Variants in GCNT2 observed in about 807,000 individuals in gnomAD.
The protein encoded by GCNT2 is N-acetyllactosaminide beta-1,6-N-acetylglucosaminyl-transferase.
Under a neutral mutation model 34.2 loss-of-function variants are expected in GCNT2, and 34 were observed. The observed-to-expected ratio is 1.00, with a 90% confidence interval of 0.76 to 1.32. The LOEUF is 1.32. GCNT2 is among the 40% of genes most tolerant of loss of function. GCNT2 has a pLI of 0.00. For missense variants in GCNT2, 584 were observed against 489.4 expected (o/e 1.19, Z -1.82); for synonymous variants, 212 against 188.0 (o/e 1.13, Z -1.04).
In GCNT2 at chr6:10,529,706, C is replaced by A; in HGVS notation, c.795C>A (p.Ala265=). The change falls in exon 3 of 5, where the codon GCC becomes GCA. Residue 265 remains alanine (A), a synonymous_variant. Coordinates refer to ENST00000495262, the MANE Select transcript of GCNT2 (RefSeq NM_145649.5). ...ACATGGTGATTTACTTTGGCACGGCCTACGTGGCTCTCACAAGGGACTTTG... is the reference window on the plus strand; with the variant it reads ...ACATGGTGATTTACTTTGGCACGGCATACGTGGCTCTCACAAGGGACTTTG... ...PHDMVIYFGT[A]YVALTRDFAN... The A allele has an allele frequency of 6.2e-7, 1 of 1,614,102 alleles. No homozygotes were observed. Among genetic ancestry groups the A allele is most frequent in the Non-Finnish European group, 8.5e-7 (1 of 1,179,986 alleles).
chr6:10,589,469 G>T (rs546331511), intron 3 of GCNT2, among the ~76,000 whole-genome samples: 2 of 151,868 alleles, frequency 1.3e-5, no homozygotes, highest in Non-Finnish European at 2.9e-5. Flanking sequence ...GGCTTGTCAG[G>T]GTCACTGTGC....
intron 3 of GCNT2, among the ~76,000 whole-genome samples, chr6:10,599,705 A>G (rs1294679753): frequency 6.6e-6 from 1 of 152,184 alleles, no homozygotes; most frequent in African/African-American, 2.4e-5. Context: ...TCAATTCTCC[A>G]CACTGGGTTT....
chr6:10,624,960 C>G (rs1262411248), intron 4 of GCNT2, among the ~76,000 whole-genome samples: 1 of 152,126 alleles, frequency 6.6e-6, no homozygotes, highest in African/African-American at 2.4e-5. Flanking sequence ...TTCTCCAGGC[C>G]GAAATATTCT....
At chr6:10,557,099 C>T (rs757116901) in intron 3 of GCNT2, 17 of 1,580,904 alleles carry the variant, frequency 1.1e-5, no homozygotes, top group South Asian at 8.4e-5. Flanking sequence ...TGCAATTGGA[C>T]GGACTAAATA....
At chr6:10,565,248 G>A (rs1763225054) in intron 3 of GCNT2, among the ~76,000 whole-genome samples, 1 of 152,226 alleles carries the variant, frequency 6.6e-6, no homozygotes, top group African/African-American at 2.4e-5. Flanking sequence ...GGAGGCCAGA[G>A]AAAAACAGAT....
intron 4 of GCNT2, among the ~76,000 whole-genome samples, chr6:10,623,333 C>G (rs141400516): frequency 0.019 from 2,869 of 151,544 alleles, 33 homozygotes; most frequent in South Asian, 0.046. Flanking sequence ...TCTTGTCACC[C>G]AGGCTGGAGT....
Position 10,561,811 on chromosome 6 carries a change from C to T in GCNT2, c.925+31975C>T, listed in dbSNP as rs370553323. Among the ~76,000 whole-genome samples the T allele has an allele frequency of 6.6e-5, 10 of 151,276 alleles. No homozygotes were observed. The South Asian group carries it at 1.7e-3, about 25-fold the overall frequency. On this transcript the variant is annotated intron_variant, in intron 3 of 4. Transcript: ENST00000495262. ...TCGTTTCCTTTTTCCATTTTGTATA[C>T]GTTTTCCTTTTTTTTTTTCAGGGCC...
chr6:10,556,349 C>CAT (rs1762700633), intron 3 of GCNT2: 2 of 1,604,512 alleles, frequency 1.2e-6, no homozygotes, highest in African/African-American at 2.7e-5. Flanking sequence ...AATAAGAACT[C>CAT]AGAGAAACGA....
chr6:10,586,732 A>G, intron 3 of GCNT2: 1 of 1,614,046 alleles, frequency 6.2e-7, no homozygotes, highest in South Asian at 1.1e-5. Context: ...AAAAATACTA[A>G]TATTTTGAAA....
intron 1 of GCNT2, among the ~76,000 whole-genome samples, chr6:10,524,161 G>A (rs1761074677): frequency 6.6e-6 from 1 of 151,660 alleles, no homozygotes; most frequent in Non-Finnish European, 1.5e-5. Context: ...AGAGGAAGCT[G>A]TGATTATAAA....
chr6:10,567,528 T>C (rs1763339825), intron 3 of GCNT2, among the ~76,000 whole-genome samples: 2 of 152,234 alleles, frequency 1.3e-5, no homozygotes, highest in Non-Finnish European at 2.9e-5. Context: ...GGGATATCTC[T>C]AGAGGAATAT....
At chr6:10,576,461 G>A (rs773548411) in intron 3 of GCNT2, among the ~76,000 whole-genome samples, 16 of 152,112 alleles carry the variant, frequency 1.1e-4, no homozygotes, top group Non-Finnish European at 1.5e-4. Context: ...GAAACAGTTT[G>A]GTCGTAATCG....
At chr6:10,622,401 C>G (rs1173193601) in intron 4 of GCNT2, among the ~76,000 whole-genome samples, 1 of 151,860 alleles carries the variant, frequency 6.6e-6, no homozygotes, top group African/African-American at 2.4e-5. Flanking sequence ...TTGTAGATAG[C>G]ATTTTCTCCC....
At chr6:10,582,040 G>A (rs1764094063) in intron 3 of GCNT2, 1 of 178,586 alleles carries the variant, frequency 5.6e-6, no homozygotes, top group Non-Finnish European at 1.0e-5. Flanking sequence ...TGTATTATAT[G>A]TATATATTTA....
At chr6:10,581,932 G>A in intron 3 of GCNT2, 3 of 908,604 alleles carry the variant, frequency 3.3e-6, no homozygotes, top group Non-Finnish European at 3.9e-6. Context: ...CATTTCTAGA[G>A]TGTGTGTGAA....
rs1355403805 is a variant in GCNT2, at chr6:10,582,116, A to AT, written c.926-39235_926-39234insT. ...AATATATCTCTTAAAGTACATATAA[A>AT]AAACATTTATAAATGCATATATGAT... On this transcript the variant is annotated intron_variant, in intron 3 of 4. Coordinates refer to ENST00000495262, the MANE Select transcript of GCNT2 (RefSeq NM_145649.5). Among the ~76,000 whole-genome samples, 975 of 141,818 alleles carry AT rather than the reference A, an allele frequency of 6.9e-3. 15 individuals are homozygous for AT. Among genetic ancestry groups the AT allele is most frequent in the African/African-American group, 0.022 (858 of 38,710 alleles). The allele number at this position is 141,818 out of a possible 152,430, so 93.0% of individuals were successfully genotyped here. A position where few individuals can be genotyped will look rare whatever the true frequency, so the allele number is the denominator to read the frequency against.
chr6:10,588,814 ATG>A (rs1764469592), intron 3 of GCNT2, among the ~76,000 whole-genome samples: 1 of 93,862 alleles, frequency 1.1e-5, no homozygotes, highest in Non-Finnish European at 2.2e-5. Context: ...TGTGTGGTGT[ATG>A]TGTGTTTGCA....
At chr6:10,555,108 T>C (rs1762637029) in intron 3 of GCNT2, among the ~76,000 whole-genome samples, 2 of 152,174 alleles carry the variant, frequency 1.3e-5, no homozygotes, top group South Asian at 4.1e-4. Flanking sequence ...AAGGACATTC[T>C]TTCTGCATGG....
At chr6:10,618,896 T>G (rs1765909689) in intron 3 of GCNT2, among the ~76,000 whole-genome samples, 1 of 152,198 alleles carries the variant, frequency 6.6e-6, no homozygotes, top group Non-Finnish European at 1.5e-5. Flanking sequence ...AAGAAAAGAC[T>G]CTTGCCTTAT....
Sources: allele counts gnomAD v4.1 joint callset (sites outside exome capture counted in the v4.1 genomes callset), GRCh38; gene constraint gnomAD v4.1.1; transcripts MANE v1.5; gene names NCBI Gene and HGNC (gene_info 2026-07-23, HGNC 2026-07-21).